ATRX: variants seen among roughly 807,000 people sequenced by gnomAD.
The protein encoded by ATRX is chromatin remodeler ATRX.
ATRX carries 12 observed loss-of-function variants against 172.6 expected under a neutral mutation model. The ratio of observed to expected loss-of-function variants is 0.07; its 90% CI spans 0.04 to 0.11. The LOEUF is 0.11. Ranked by LOEUF, ATRX falls within the 10% of genes least tolerant of loss-of-function variation. The pLI, the probability that ATRX is intolerant of heterozygous loss-of-function variation, is 1.00. For synonymous variants in ATRX, 674 were observed against 594.7 expected (o/e 1.13, Z -1.94); for missense variants, 1,368 against 1,767.4 (o/e 0.77, Z 4.05).
chrX:77,590,957 TAA>T (rs2066227171), intron 26 of ATRX, among the ~76,000 whole-genome samples: 1 of 112,335 alleles, frequency 8.9e-6, no homozygotes, highest in South Asian at 3.6e-4. Context: ...TTAGAGAATG[TAA>T]AAAGTTTCCC....
At chrX:77,536,803 A>G (rs782096756) in intron 30 of ATRX, among the ~76,000 whole-genome samples, 1 of 111,788 alleles carries the variant, frequency 8.9e-6, no homozygotes, top group South Asian at 3.7e-4. Context: ...TGAATTTCAG[A>G]GGTAAATTTA....
intron 15 of ATRX, among the ~76,000 whole-genome samples, chrX:77,636,611 T>C (rs1188826640): frequency 1.8e-5 from 2 of 111,372 alleles, no homozygotes; most frequent in African/African-American, 6.5e-5. Flanking sequence ...CAGGGTTTTA[T>C]GTCTTCTAAA....
chrX:77,667,584 T>C lies in ATRX; in HGVS notation c.3810-2806A>G, dbSNP rs781994990. 2.7e-5 allele frequency among the ~76,000 whole-genome samples: 3 copies of C among 111,507 alleles called. No homozygotes were observed. The East Asian group carries it at 8.4e-4, about 31-fold the overall frequency. On this transcript the variant is annotated intron_variant, in intron 10 of 34. Transcript: ENST00000373344. ...AGATTTGGTTGTTAATTGTAGGAAATCACACAATTTTTCTTCTTTCAAATC... is the reference window on the plus strand; with the variant it reads ...AGATTTGGTTGTTAATTGTAGGAAACCACACAATTTTTCTTCTTTCAAATC...
intron 12 of ATRX, among the ~76,000 whole-genome samples, chrX:77,659,040 A>C (rs2148469375): frequency 8.9e-6 from 1 of 111,888 alleles, no homozygotes; most frequent in African/African-American, 3.2e-5. Context: ...AAATGCTATA[A>C]AGAAATGTCG....
intron 3 of ATRX, 114 bp from the exon 4 acceptor site, chrX:77,697,749 G>A (rs2072265192): frequency 1.7e-6 from 1 of 587,446 alleles, no homozygotes; most frequent in East Asian, 3.5e-5. Flanking sequence ...TGCTATTTAT[G>A]TGCCTAGAAT....
Position 77,599,391 on chromosome X carries a change from G to A in ATRX, c.5956+20C>T, listed in dbSNP as rs371240240. 3 of 1,206,404 alleles carry A rather than the reference G, an allele frequency of 2.5e-6. No homozygotes were observed. The highest frequency in any genetic ancestry group is 2.2e-6 in the Non-Finnish European group (2 of 891,955). On this transcript the variant is annotated intron_variant, in intron 25 of 34. Coordinates refer to ENST00000373344, the MANE Select transcript of ATRX (RefSeq NM_000489.6). ...TCCAAATTACTGTTCCATGATAAAG[G>A]CAACATTCATTAGACTCACTTTCTT...
rs1335550571 is a variant in ATRX at position 77,732,800 on chromosome X, A to G, written c.21-15557T>C. 2.7e-5 allele frequency among the ~76,000 whole-genome samples: 3 copies of G among 111,664 alleles called. No homozygotes were observed. The Admixed American group carries it at 2.9e-4, about 11-fold the overall frequency. On this transcript the variant is annotated intron_variant, in intron 1 of 34. Transcript: ENST00000373344. Reference sequence around the variant, plus strand: ...ACATAATAAAAGCCATATACAACACACCCACAACTGGTATCAAACTGAGGG... The same window carrying G: ...ACATAATAAAAGCCATATACAACACGCCCACAACTGGTATCAAACTGAGGG...
rs2071268459 is a variant in ATRX, at chrX:77,682,446, C to G, written c.2810G>C (p.Arg937Thr). The change falls in exon 9 of 35, where the codon AGA (arginine) becomes ACA (threonine). Residue 937 changes from arginine (R) to threonine (T), a missense_variant. Arg to Thr is a moderately conservative substitution (Grantham distance 71, BLOSUM62 -1). Around this residue, in one of 17 missense-constraint regions of ATRX, gnomAD observed 843 missense variants for 643.1 expected, o/e 1.31. Transcript: ENST00000373344. ...CTTTTCTTTAGTTTCAGCAACTTTT[C>G]TAACTTCCAAAGAAGTAAAACTCTC... The part of the protein sequence containing the change: ...KEESFTSLEV[R>T]KVAETKEKSK... 2 of 1,211,191 alleles carry G rather than the reference C, an allele frequency of 1.7e-6. No individual in the cohort carries two copies. The highest frequency in any genetic ancestry group is 2.2e-6 in the Non-Finnish European group (2 of 895,230).
At chrX:77,516,258 A>C (rs1429294366) in intron 34 of ATRX, among the ~76,000 whole-genome samples, 1 of 112,103 alleles carries the variant, frequency 8.9e-6, no homozygotes, top group Non-Finnish European at 1.9e-5. Context: ...AGTGAATATA[A>C]ATGGACTAAA....
At chrX:77,752,780 C>T (rs1557188176) in intron 1 of ATRX, among the ~76,000 whole-genome samples, 4 of 111,673 alleles carry the variant, frequency 3.6e-5, no homozygotes, top group African/African-American at 9.8e-5. Flanking sequence ...TATTGATTTG[C>T]GTATGTTGAA....
chrX:77,687,690 T>C (rs1233286302), intron 7 of ATRX, among the ~76,000 whole-genome samples: 2 of 111,985 alleles, frequency 1.8e-5, no homozygotes, highest in Admixed American at 9.5e-5. Flanking sequence ...ATACCCTAGA[T>C]AGGCCCCTGG....
intron 22 of ATRX, among the ~76,000 whole-genome samples, chrX:77,611,851 T>C (rs1004784058): frequency 9.8e-5 from 11 of 111,865 alleles, no homozygotes; most frequent in African/African-American, 3.6e-4. Flanking sequence ...ACACAATGTA[T>C]ACATGTATCA....
chrX:77,738,649 C>G (rs781783062), intron 1 of ATRX, among the ~76,000 whole-genome samples: 1 of 104,207 alleles, frequency 9.6e-6, no homozygotes. Context: ...CTGCAACCTC[C>G]GCCTCCCAGG....
In ATRX at chrX:77,684,296, A is replaced by G; in HGVS notation, c.960T>C (p.Thr320=). Residue 320 remains threonine, a synonymous_variant, in exon 9 of 35, where the codon ACT becomes ACC. Transcript: ENST00000373344. ...EHTSRFSPKK[T]SSNCNGEEKK... ...TTTCTTCTCCATTACAATTTGAACT[A>G]GTCTTCTTTGGAGAAAATCTGGATG... is the stretch of plus-strand genomic sequence containing the variant. The G allele has an allele frequency of 8.3e-7, 1 of 1,209,517 alleles. No homozygotes were observed. Among genetic ancestry groups the G allele is most frequent in the African/African-American group, 1.7e-5 (1 of 57,839 alleles).
At chrX:77,701,304 G>A (rs1557153307) in intron 2 of ATRX, among the ~76,000 whole-genome samples, 1 of 110,899 alleles carries the variant, frequency 9.0e-6, no homozygotes, top group Non-Finnish European at 1.9e-5. Context: ...CTGAGGTCAG[G>A]AGTTCGAGAC....
intron 2 of ATRX, among the ~76,000 whole-genome samples, chrX:77,699,082 G>GA (rs1476417086): frequency 7.3e-5 from 8 of 109,397 alleles, no homozygotes; most frequent in Non-Finnish European, 1.3e-4. Context: ...ATAGGAAATA[G>GA]AAAAGCAATA....
intron 1 of ATRX, among the ~76,000 whole-genome samples, chrX:77,757,412 G>A (rs1239502618): frequency 8.9e-6 from 1 of 111,811 alleles, no homozygotes; most frequent in Non-Finnish European, 1.9e-5. Context: ...GATTGGAGAT[G>A]AATCCATTTC....
At chrX:77,698,682 C>T in intron 2 of ATRX, 53 bp from the exon 3 acceptor site, 4 of 1,011,839 alleles carry the variant, frequency 4.0e-6, no homozygotes, top group Non-Finnish European at 5.6e-6. Flanking sequence ...CATTATCAAA[C>T]AGAACATCAA....
intron 19 of ATRX, among the ~76,000 whole-genome samples, chrX:77,630,502 A>G (rs2068058381): frequency 8.9e-6 from 1 of 112,365 alleles, no homozygotes; most frequent in South Asian, 3.7e-4. Context: ...ACAAAGCTAC[A>G]GTAATTAAAA....
Sources: gnomAD v4.1 joint callset for allele counts (sites outside exome capture counted in the v4.1 genomes callset) on GRCh38, gnomAD v4.1.1 for gene constraint, gnomAD v4.1.1 regional missense constraint, MANE v1.5 for transcripts, NCBI Gene and HGNC (gene_info 2026-07-23, HGNC 2026-07-21) for gene names.